Variants in DCBLD2 observed in about 807,000 individuals in gnomAD.
The protein encoded by DCBLD2 is discoidin, CUB and LCCL domain-containing protein 2.
Under a neutral mutation model 86.8 loss-of-function variants are expected in DCBLD2, and 54 were observed. That is an observed-to-expected ratio of 0.62 (90% CI 0.50 to 0.78). DCBLD2 has a LOEUF of 0.78. Ranked by LOEUF, DCBLD2 falls within the 30% of genes least tolerant of loss-of-function variation. DCBLD2 has a pLI of 0.00. For synonymous variants in DCBLD2, 354 were observed against 341.3 expected, an observed-to-expected ratio of 1.04 and a Z score of -0.41; for missense variants, 908 against 954.2, an observed-to-expected ratio of 0.95 and a Z score of 0.64.
intron 2 of DCBLD2, among the ~76,000 whole-genome samples, chr3:98,855,502 T>C (rs1224607913): frequency 6.6e-6 from 1 of 152,210 alleles, no homozygotes; most frequent in Admixed American, 6.5e-5. Flanking sequence ...CATAAAAAAG[T>C]GTCAGTTTTA....
intron 2 of DCBLD2, among the ~76,000 whole-genome samples, chr3:98,859,166 G>A (rs1942993417): frequency 6.6e-6 from 1 of 152,214 alleles, no homozygotes; most frequent in African/African-American, 2.4e-5. Context: ...CAAGGCAGCA[G>A]GAGGCTGGGG....
rs1053599125 is a variant in DCBLD2, at chr3:98,901,237, G to T, written c.90C>A (p.Leu30=). 2.6e-6 allele frequency: 4 copies of T among 1,534,896 alleles called. No homozygotes were observed. Among genetic ancestry groups the T allele is most frequent in the South Asian group, 2.4e-5 (2 of 83,982 alleles). Residue 30 remains leucine (L), a synonymous_variant, in exon 1 of 16, where the codon CTC becomes CTA. Coordinates refer to ENST00000326840, the MANE Select transcript of DCBLD2 (RefSeq NM_080927.4). ...AAAAAPAWAA[L]PLSRSLPPCS... is the part of the protein sequence containing the mutation. ...AGGGAGGGAGGGAGCGGGAGAGGGG[G>T]AGCGCGGCCCAGGCGGGGGCGGCGG...
chr3:98,870,528 GAGGCTA>G (rs1287765326), intron 2 of DCBLD2, among the ~76,000 whole-genome samples: 7 of 151,564 alleles, frequency 4.6e-5, no homozygotes, highest in Non-Finnish European at 1.0e-4. Flanking sequence ...AGCTGCTTGG[GAGGCTA>G]AGGCAGGAGG....
chr3:98,823,641 G>GAAGAA (rs10639285), intron 4 of DCBLD2, among the ~76,000 whole-genome samples: 147,698 of 152,228 alleles, frequency 0.97, 71,809 homozygotes, highest in Non-Finnish European at 1. Flanking sequence ...ATTCTGCTAT[G>GAAGAA]AAGTCATGCT....
At chr3:98,853,546 T>C (rs187961580) in intron 2 of DCBLD2, among the ~76,000 whole-genome samples, 2 of 152,328 alleles carry the variant, frequency 1.3e-5, no homozygotes, top group African/African-American at 4.8e-5. Flanking sequence ...CTAGACCCTG[T>C]TGGCAGTGAG....
At chr3:98,849,351 A>T in intron 3 of DCBLD2, 110 bp downstream of exon 3, 1 of 1,351,096 alleles carries the variant, frequency 7.4e-7, no homozygotes, top group Non-Finnish European at 1.1e-6. Context: ...TTAATTGTTC[A>T]GTCTTTCTGC....
intron 2 of DCBLD2, among the ~76,000 whole-genome samples, chr3:98,857,626 G>C (rs887300447): frequency 1.2e-4 from 18 of 152,188 alleles, no homozygotes; most frequent in African/African-American, 4.8e-5. Context: ...GCTAGACGCA[G>C]GGTGCTGATT....
At chr3:98,818,989 C>T (rs1344878776) in intron 8 of DCBLD2, among the ~76,000 whole-genome samples, 1 of 152,132 alleles carries the variant, frequency 6.6e-6, no homozygotes, top group Non-Finnish European at 1.5e-5. Context: ...TCAGTTGTGT[C>T]CTTTTAGAGA....
intron 4 of DCBLD2, among the ~76,000 whole-genome samples, chr3:98,823,254 CA>C (rs1473607835): frequency 6.6e-6 from 1 of 152,120 alleles, no homozygotes; most frequent in Admixed American, 6.6e-5. Flanking sequence ...ACATTTGAAA[CA>C]TTTTTTTGTC....
chr3:98,865,025 T>C (rs1173369296), intron 2 of DCBLD2, among the ~76,000 whole-genome samples: 1 of 152,128 alleles, frequency 6.6e-6, no homozygotes, highest in Non-Finnish European at 1.5e-5. Context: ...TCTAAATTAG[T>C]ATAGCTGTTA....
rs369748173 is a variant in DCBLD2 at position 98,806,182 on chromosome 3, C to T, written c.1670+1899G>A. 1.4e-4 allele frequency among the ~76,000 whole-genome samples: 21 copies of T among 152,246 alleles called. No homozygotes were observed. In the East Asian group the frequency reaches 3.3e-3, roughly 24 times the overall value. ...GTCAAGACTGGGCATGTGGTGGTAA[C>T]TGCAGAAGCTTTTGCAGATACACAA... On this transcript the variant is annotated intron_variant, in intron 13 of 15. Coordinates refer to ENST00000326840, the MANE Select transcript of DCBLD2 (RefSeq NM_080927.4).
intron 2 of DCBLD2, among the ~76,000 whole-genome samples, chr3:98,874,373 T>C (rs191192535): frequency 1.6e-3 from 250 of 152,302 alleles, no homozygotes; most frequent in Admixed American, 6.4e-3. Context: ...TAAAAGAATG[T>C]CACATCATAA....
intron 3 of DCBLD2, among the ~76,000 whole-genome samples, chr3:98,838,485 T>G (rs1166766524): frequency 5.5e-5 from 7 of 128,312 alleles, no homozygotes; most frequent in Non-Finnish European, 6.7e-5. Context: ...TTCCTAGATG[T>G]GATGGCAGCT....
intron 1 of DCBLD2, among the ~76,000 whole-genome samples, chr3:98,893,996 T>C (rs1158288475): frequency 1.3e-5 from 2 of 152,206 alleles, no homozygotes; most frequent in East Asian, 3.8e-4. Context: ...CTTGTAACTA[T>C]GAGCTATCCA....
intron 2 of DCBLD2, among the ~76,000 whole-genome samples, chr3:98,863,421 A>C (rs1943083335): frequency 6.6e-6 from 1 of 152,256 alleles, no homozygotes; most frequent in Non-Finnish European, 1.5e-5. Flanking sequence ...CCTAAGCCAA[A>C]AGAACAAAGC....
chr3:98,879,113 A>G (rs1245033774), intron 2 of DCBLD2, among the ~76,000 whole-genome samples: 1 of 152,170 alleles, frequency 6.6e-6, no homozygotes, highest in East Asian at 1.9e-4. Context: ...TTTTAACATA[A>G]CCACTTTTCT....
intron 2 of DCBLD2, among the ~76,000 whole-genome samples, chr3:98,852,688 T>G (rs1942862077): frequency 6.6e-6 from 1 of 152,214 alleles, no homozygotes; most frequent in Non-Finnish European, 1.5e-5. Context: ...TTTTCTCAGG[T>G]TGCAGAATTG....
At chr3:98,895,476 C>A (rs561576147) in intron 1 of DCBLD2, 40 of 152,326 alleles carry the variant, frequency 2.6e-4, no homozygotes, top group African/African-American at 9.4e-4. Context: ...GGCTTTCACA[C>A]TCCCACTTTC....
intron 3 of DCBLD2, among the ~76,000 whole-genome samples, chr3:98,828,527 A>G (rs981668968): frequency 1.3e-5 from 2 of 152,222 alleles, no homozygotes; most frequent in Non-Finnish European, 2.9e-5. Flanking sequence ...TACACTCACT[A>G]GGATGGCGAA....
Sources: gnomAD v4.1 joint callset for allele counts (sites outside exome capture counted in the v4.1 genomes callset) on GRCh38, gnomAD v4.1.1 for gene constraint, MANE v1.5 for transcripts, NCBI Gene and HGNC (gene_info 2026-07-23, HGNC 2026-07-21) for gene names.